Variants in ADAMTS3 observed in about 807,000 individuals in gnomAD.
ADAMTS3 encodes the protein ADAM metallopeptidase with thrombospondin type 1 motif 3.
In ADAMTS3, 73 loss-of-function variants were observed where a neutral mutation model predicts 129.0. That is an observed-to-expected ratio of 0.57 (90% CI 0.47 to 0.69). The LOEUF is 0.69. Among genes scored for constraint, ADAMTS3 ranks in the 30% least tolerant of loss-of-function variants. The pLI is 0.00. For synonymous variants in ADAMTS3, 477 were observed against 510.8 expected (o/e 0.93, Z 0.89); for missense variants, 1,457 against 1,514.5 (o/e 0.96, Z 0.63).
chr4:72,427,675 TTCAA>T (rs1722605324), intron 3 of ADAMTS3, among the ~76,000 whole-genome samples: 1 of 151,974 alleles, frequency 6.6e-6, no homozygotes, highest in African/African-American at 2.4e-5. Flanking sequence ...GAAAGGTTAG[TTCAA>T]TCAATCTCTA....
At chr4:72,314,406 G>A (rs1326916841) in intron 11 of ADAMTS3, among the ~76,000 whole-genome samples, 1 of 152,094 alleles carries the variant, frequency 6.6e-6, no homozygotes, top group African/African-American at 2.4e-5. Flanking sequence ...ATAAGTAGTT[G>A]AAGGCCATCT....
chr4:72,467,019 G>T (rs1718940197), intron 3 of ADAMTS3, among the ~76,000 whole-genome samples: 1 of 151,872 alleles, frequency 6.6e-6, no homozygotes, highest in Non-Finnish European at 1.5e-5. Flanking sequence ...CTGGCACATT[G>T]GAAGTAATCA....
rs931934796 is a variant in ADAMTS3, at chr4:72,535,762, T to C, written c.504+12716A>G. Reference sequence around the variant, plus strand: ...CTAGACCAGAAACCACAAAAAAAGATATAAGGTAGCATATTAAACACCATC... The same window carrying C: ...CTAGACCAGAAACCACAAAAAAAGACATAAGGTAGCATATTAAACACCATC... On this transcript the variant is annotated intron_variant, in intron 3 of 21. Coordinates refer to ENST00000286657, the MANE Select transcript of ADAMTS3 (RefSeq NM_014243.3). 5.3e-5 allele frequency among the ~76,000 whole-genome samples: 8 copies of C among 151,844 alleles called. No homozygotes were observed. In the South Asian group the frequency reaches 1.2e-3, roughly 24 times the overall value.
At chr4:72,565,322 C>T (rs1024684455) in intron 2 of ADAMTS3, among the ~76,000 whole-genome samples, 9 of 152,022 alleles carry the variant, frequency 5.9e-5, no homozygotes, top group Non-Finnish European at 1.0e-4. Context: ...TCAAATAACA[C>T]GTCCCCAGGT....
intron 3 of ADAMTS3, among the ~76,000 whole-genome samples, chr4:72,475,128 A>C (rs1719195684): frequency 6.6e-6 from 1 of 152,044 alleles, no homozygotes; most frequent in Admixed American, 6.5e-5. Context: ...AAAAAAACAG[A>C]AAACAAAAAT....
At chr4:72,425,691 C>G (rs1317091803) in intron 3 of ADAMTS3, among the ~76,000 whole-genome samples, 1 of 151,994 alleles carries the variant, frequency 6.6e-6, no homozygotes, top group Non-Finnish European at 1.5e-5. Context: ...GCATAGTATT[C>G]TATGGTGTAT....
intron 5 of ADAMTS3, among the ~76,000 whole-genome samples, chr4:72,324,225 T>A (rs139218654): frequency 1.3e-4 from 20 of 152,102 alleles, no homozygotes; most frequent in African/African-American, 4.8e-4. Flanking sequence ...TAAATATAAC[T>A]CAAGAATGAT....
intron 4 of ADAMTS3, among the ~76,000 whole-genome samples, chr4:72,342,891 G>A (rs1360030921): frequency 6.6e-6 from 1 of 152,138 alleles, no homozygotes; most frequent in African/African-American, 2.4e-5. Context: ...AAGACCCAAG[G>A]TTTGTCATCT....
intron 4 of ADAMTS3, among the ~76,000 whole-genome samples, chr4:72,364,196 A>C (rs1720807573): frequency 6.7e-6 from 1 of 149,954 alleles, no homozygotes; most frequent in Non-Finnish European, 1.5e-5. Context: ...CCATGCATGC[A>C]TGTACATGTA....
At chr4:72,530,220 A>G (rs1560553735) in intron 3 of ADAMTS3, among the ~76,000 whole-genome samples, 1 of 78,020 alleles carries the variant, frequency 1.3e-5, no homozygotes, top group Non-Finnish European at 2.2e-5. Flanking sequence ...ATTTTAATAT[A>G]TATATATTAT....
At chr4:72,296,815 C>T (rs1379930110) in intron 18 of ADAMTS3, among the ~76,000 whole-genome samples, 2 of 152,114 alleles carry the variant, frequency 1.3e-5, no homozygotes, top group South Asian at 2.1e-4. Flanking sequence ...TTATGGCAAT[C>T]CTTTTCCAGT....
At chr4:72,447,908 TGCCA>T (rs1362098183) in intron 3 of ADAMTS3, among the ~76,000 whole-genome samples, 2 of 151,762 alleles carry the variant, frequency 1.3e-5, no homozygotes, top group East Asian at 3.9e-4. Context: ...ACATTCTCCC[TGCCA>T]GGCACATCAT....
chr4:72,291,767 G>C (rs912301323), intron 19 of ADAMTS3, among the ~76,000 whole-genome samples: 18 of 152,118 alleles, frequency 1.2e-4, no homozygotes, highest in Admixed American at 5.9e-4. Flanking sequence ...TATATACCCA[G>C]TAATGGGATG....
intron 17 of ADAMTS3, among the ~76,000 whole-genome samples, chr4:72,300,858 C>T (rs1718931581): frequency 6.6e-6 from 1 of 152,120 alleles, no homozygotes. Context: ...GGGGAACAAT[C>T]ATCTGAGGCC....
At chr4:72,509,172 A>AC (rs1312941384) in intron 3 of ADAMTS3, among the ~76,000 whole-genome samples, 1 of 151,936 alleles carries the variant, frequency 6.6e-6, no homozygotes, top group Non-Finnish European at 1.5e-5. Context: ...ATCAAAAAAG[A>AC]GAAAAAATTT....
chr4:72,284,216 A>T (rs906334128), intron 21 of ADAMTS3, among the ~76,000 whole-genome samples: 3 of 152,264 alleles, frequency 2.0e-5, no homozygotes, highest in South Asian at 2.1e-4. Flanking sequence ...ATCTTGATTT[A>T]AAAAAATTCT....
chr4:72,539,491 GAAAAA>G (rs71215438), intron 3 of ADAMTS3, among the ~76,000 whole-genome samples: 1,677 of 86,654 alleles, frequency 0.019, 52 homozygotes, highest in African/African-American at 0.068. Context: ...GCTACTATCA[GAAAAA>G]AAAAAAAAAA....
chr4:72,414,934 A>G lies in ADAMTS3; in HGVS notation c.542T>C (p.Ile181Thr). 1.9e-6 allele frequency: 3 copies of G among 1,568,750 alleles called. No individual in the cohort carries two copies. Among genetic ancestry groups the G allele is most frequent in the African/African-American group, 1.4e-5 (1 of 72,170 alleles). ...CTGTTTACCTCTTTCCAAGGGTTCA[A>G]TGAAATACTCTTCATTATCACTTTT... ...MIKSDNEEYF[I>T]EPLERGKQME... Residue 181 changes from isoleucine to threonine, a missense_variant, in exon 4 of 22, where the codon ATT (isoleucine) becomes ACT (threonine). Ile to Thr is a moderately conservative substitution (Grantham distance 89). Transcript: ENST00000286657.
intron 3 of ADAMTS3, among the ~76,000 whole-genome samples, chr4:72,522,176 A>T (rs186667571): frequency 6.6e-6 from 1 of 152,152 alleles, no homozygotes; most frequent in Non-Finnish European, 1.5e-5. Flanking sequence ...CTTCTCCTAC[A>T]CACAAATCCA....
Sources: allele counts gnomAD v4.1 joint callset (sites outside exome capture counted in the v4.1 genomes callset), GRCh38; gene constraint gnomAD v4.1.1; transcripts MANE v1.5; gene names NCBI Gene and HGNC (gene_info 2026-07-23, HGNC 2026-07-21).